SCN11A: variants seen among roughly 807,000 people sequenced by gnomAD.
SCN11A encodes sodium voltage-gated channel alpha subunit 11.
SCN11A carries 122 observed loss-of-function variants against 162.2 expected under a neutral mutation model. That is an observed-to-expected ratio of 0.75 (90% CI 0.65 to 0.87). The LOEUF is 0.87. Among genes scored for constraint, SCN11A ranks in the 40% least tolerant of loss-of-function variants. The pLI is 0.00. For synonymous variants in SCN11A, 758 were observed against 751.5 expected (o/e 1.01, Z -0.14); for missense variants, 2,015 against 2,181.6 (o/e 0.92, Z 1.52).
At chr3:38,934,555 A>T (rs2066298304) in intron 7 of SCN11A, among the ~76,000 whole-genome samples, 1 of 152,068 alleles carries the variant, frequency 6.6e-6, no homozygotes, top group Non-Finnish European at 1.5e-5. Context: ...AATGGAAAAC[A>T]AAAAAAGGCA....
intron 19 of SCN11A, among the ~76,000 whole-genome samples, chr3:38,888,281 G>T (rs2065435938): frequency 6.6e-6 from 1 of 152,214 alleles, no homozygotes; most frequent in Non-Finnish European, 1.5e-5. Flanking sequence ...TCTGCAATAT[G>T]ACTTGTATCA....
Position 38,883,222 on chromosome 3 carries a change from T to C in SCN11A, c.3219+11A>G. ...GATGCCCAATGTCTCCACAAGACAA[T>C]GATGATTTACCAGTGCCCCACTGCT... On this transcript the variant is annotated intron_variant, in intron 22 of 29. Transcript: ENST00000302328. 6.2e-7 allele frequency: 1 copy of C among 1,609,398 alleles called. No individual in the cohort carries two copies. The highest frequency in any genetic ancestry group is 8.5e-7 in the Non-Finnish European group (1 of 1,177,524).
rs114229397 is a variant in SCN11A, at chr3:38,988,102, G to A, written c.-279-27679C>T. On this transcript the variant is annotated intron_variant, in intron 2 of 29. Transcript: ENST00000302328. The stretch of plus-strand genomic sequence containing the variant: ...TAAGAATTTTAGAATGGTGACAACA[G>A]AGCATTAAAGCACTGGGCTTTCTGA... Among the ~76,000 whole-genome samples, 309 of 152,270 alleles carry A rather than the reference G, an allele frequency of 2.0e-3. 1 individual carries two copies. Among genetic ancestry groups the A allele is most frequent in the African/African-American group, 7.1e-3 (296 of 41,548 alleles).
At chr3:38,969,292 T>C (rs1416073962) in intron 2 of SCN11A, among the ~76,000 whole-genome samples, 2 of 152,198 alleles carry the variant, frequency 1.3e-5, no homozygotes, top group Non-Finnish European at 2.9e-5. Context: ...AGGCTTCAAA[T>C]ATTTTCTCAA....
rs1449644397 is a variant in SCN11A at position 39,051,848 on chromosome 3, T to C, written c.-404+13A>G. 5 of 680,606 alleles carry C rather than the reference T, an allele frequency of 7.3e-6. No homozygotes were observed. Among genetic ancestry groups the C allele is most frequent in the Non-Finnish European group, 1.3e-5 (5 of 393,684 alleles). The allele number at this position is 680,606 out of a possible 1,614,324, so 42.2% of individuals were successfully genotyped here. A position where few individuals can be genotyped will look rare whatever the true frequency, so the allele number is the denominator to read the frequency against. Reference sequence around the variant, plus strand: ...TATACTTGCACAGTGGTTTTGTTTTTAGGTGCATCTACCTCATCACATGGC... The same window carrying C: ...TATACTTGCACAGTGGTTTTGTTTTCAGGTGCATCTACCTCATCACATGGC... On this transcript the variant is annotated intron_variant, in intron 1 of 29. Transcript: ENST00000302328.
At chr3:38,852,041 G>A (rs4561763) in intron 28 of SCN11A, among the ~76,000 whole-genome samples, 40,112 of 152,060 alleles carry the variant, frequency 0.26, 5,508 homozygotes, top group African/African-American at 0.33. Flanking sequence ...CCAGTGGGGG[G>A]TCCAAGGGCA....
At chr3:38,898,821 A>G (rs1032360567) in intron 17 of SCN11A, among the ~76,000 whole-genome samples, 1 of 152,124 alleles carries the variant, frequency 6.6e-6, no homozygotes, top group African/African-American at 2.4e-5. Flanking sequence ...TTGTCTACTC[A>G]AAGGGGAGCT....
At position 38,905,294 on chromosome 3, in the gene SCN11A, G is replaced by A; in HGVS notation, c.1501C>T (p.Leu501=). The change falls in exon 15 of 30, where the codon CTG becomes TTG. Residue 501 remains leucine (L), a synonymous_variant. Transcript: ENST00000302328. ...KPQLLEQTKR[L]SQNLSLDHFD... is the part of the protein sequence containing the mutation. The stretch of plus-strand genomic sequence containing the variant: ...TGGTCCAGTGATAGATTCTGGGACA[G>A]TCGTTTGGTTTGCTCTAGGAGCTGT... The A allele has an allele frequency of 6.2e-7, 1 of 1,614,048 alleles. No individual in the cohort carries two copies. The highest frequency in any genetic ancestry group is 8.5e-7 in the Non-Finnish European group (1 of 1,179,950).
chr3:39,035,645 AG>A (rs202213023), intron 1 of SCN11A, among the ~76,000 whole-genome samples: 7 of 151,458 alleles, frequency 4.6e-5, no homozygotes, highest in Non-Finnish European at 1.0e-4. Context: ...TCAACATGGA[AG>A]GTTTTTTTTT....
chr3:38,852,097 G>T (rs1038732107), intron 28 of SCN11A, among the ~76,000 whole-genome samples: 1 of 152,106 alleles, frequency 6.6e-6, no homozygotes, highest in Non-Finnish European at 1.5e-5. Flanking sequence ...ACAGAAGCTA[G>T]AATACAGATG....
rs150269814 is a variant in SCN11A at position 38,909,039 on chromosome 3, C to A, written c.1257G>T (p.Lys419Asn). Residue 419 changes from lysine (K) to asparagine (N), a missense_variant, in exon 13 of 30, where the codon AAG becomes AAT. Coordinates refer to ENST00000302328, the MANE Select transcript of SCN11A (RefSeq NM_001349253.2). ...ACAGCTGCTGGGCTTCCTGAAACAT[C>A]TTTTCCTTGGCCTCTATCTCTGCAG... ...NVAAEIEAKE[K>N]MFQEAQQLLK... The A allele has an allele frequency of 5.3e-4, 857 of 1,613,998 alleles. No individual in the cohort carries two copies. Among genetic ancestry groups the A allele is most frequent in the Middle Eastern group, 1.2e-3 (7 of 6,028 alleles).
At chr3:38,907,221 G>A (rs2065806304) in intron 14 of SCN11A, among the ~76,000 whole-genome samples, 1 of 151,540 alleles carries the variant, frequency 6.6e-6, no homozygotes, top group South Asian at 2.1e-4. Context: ...TGCACAGCAA[G>A]TAGGAAATTA....
intron 7 of SCN11A, among the ~76,000 whole-genome samples, chr3:38,938,123 C>T (rs577833591): frequency 5.3e-5 from 8 of 151,950 alleles, no homozygotes; most frequent in East Asian, 3.9e-4. Context: ...AGTAAACTAT[C>T]GCAAGAACAA....
At position 38,945,544 on chromosome 3, in the gene SCN11A, C is replaced by T. The variant is rs771491607; in HGVS notation, c.387-32G>A. The T allele has an allele frequency of 1.1e-4, 165 of 1,451,804 alleles. No individual in the cohort carries two copies. The Admixed American group carries it at 3.3e-3, about 29-fold the overall frequency. 89.9% of individuals were successfully genotyped at this position (1,451,804 alleles called of 1,614,324 possible). On this transcript the variant is annotated intron_variant, in intron 6 of 29. Coordinates refer to ENST00000302328, the MANE Select transcript of SCN11A (RefSeq NM_001349253.2). The stretch of plus-strand genomic sequence containing the variant: ...AGCATCCATTAAGGCAGATATGTTG[C>T]AGGATGGCATGCATCATTAGCTACT...
intron 7 of SCN11A, among the ~76,000 whole-genome samples, chr3:38,941,879 T>C (rs2066448011): frequency 6.6e-6 from 1 of 150,988 alleles, no homozygotes; most frequent in Non-Finnish European, 1.5e-5. Context: ...TAAATGTAAA[T>C]GAACTTTAGT....
chr3:38,917,734 T>G (rs57395515), intron 11 of SCN11A, among the ~76,000 whole-genome samples: 378 of 152,202 alleles, frequency 2.5e-3, no homozygotes, highest in African/African-American at 8.9e-3. Flanking sequence ...AATACCTGGG[T>G]GATGAAATAA....
rs577856634 is a variant in SCN11A at position 38,928,669 on chromosome 3, G to A, written c.489-1738C>T. Among the ~76,000 whole-genome samples the A allele has an allele frequency of 2.0e-3, 308 of 152,124 alleles. 2 individuals carry two copies. The highest frequency in any genetic ancestry group is 7.0e-3 in the African/African-American group (291 of 41,504). On this transcript the variant is annotated intron_variant, in intron 7 of 29. Transcript: ENST00000302328. Reference sequence around the variant, plus strand: ...CAAAGATGAAATACAAATGGCCAACGAGCATATGAAAAGATGCTCAACATC... The same window carrying A: ...CAAAGATGAAATACAAATGGCCAACAAGCATATGAAAAGATGCTCAACATC...
intron 19 of SCN11A, among the ~76,000 whole-genome samples, chr3:38,891,078 G>C (rs1471557324): frequency 6.6e-6 from 1 of 151,330 alleles, no homozygotes; most frequent in South Asian, 2.1e-4. Flanking sequence ...AAAGGGTCAA[G>C]ATGTCAGAGC....
intron 16 of SCN11A, among the ~76,000 whole-genome samples, chr3:38,902,130 A>G (rs1008176433): frequency 1.3e-5 from 2 of 152,184 alleles, no homozygotes; most frequent in Non-Finnish European, 2.9e-5. Context: ...CAACTTATTC[A>G]GTAACTCCAT....
Sources: gnomAD v4.1 joint callset for allele counts (sites outside exome capture counted in the v4.1 genomes callset) on GRCh38, gnomAD v4.1.1 for gene constraint, MANE v1.5 for transcripts, NCBI Gene and HGNC (gene_info 2026-07-23, HGNC 2026-07-21) for gene names.